SMARCA4: variants seen among roughly 807,000 people sequenced by gnomAD.
SMARCA4 encodes the protein SWI/SNF related BAF chromatin remodeling complex subunit ATPase 4.
Under a neutral mutation model 193.9 loss-of-function variants are expected in SMARCA4, and 31 were observed. The observed-to-expected ratio is 0.16, with a 90% CI of 0.12 to 0.22. The LOEUF is 0.22. Among genes scored for constraint, SMARCA4 ranks in the 10% least tolerant of loss-of-function variants. SMARCA4 has a pLI of 1.00. For synonymous variants in SMARCA4, 942 were observed against 933.1 expected (o/e 1.01, Z -0.17); for missense variants, 1,148 against 2,296.0 (o/e 0.50, Z 10.22).
chr19:11,060,400 T>C, intron 34 of SMARCA4: 4 of 641,420 alleles, frequency 6.2e-6, no homozygotes, highest in South Asian at 3.6e-5. Context: ...CGGAACCAGC[T>C]CTCAGTACCC....
At position 10,996,428 on chromosome 19, in the gene SMARCA4, C is replaced by T. The variant is rs1324971006; in HGVS notation, c.1761+48C>T. Reference sequence around the variant, plus strand: ...CCCGCCGCGGGTGGGATGGGAGCAGCCGTCTTCACGTGTGTGGCCTCAGCC... The same window carrying T: ...CCCGCCGCGGGTGGGATGGGAGCAGTCGTCTTCACGTGTGTGGCCTCAGCC... On this transcript the variant is annotated intron_variant, in intron 10 of 34. Coordinates refer to ENST00000344626, the MANE Select transcript of SMARCA4 (RefSeq NM_003072.5). 4 of 1,613,346 alleles carry T rather than the reference C, an allele frequency of 2.5e-6. No homozygotes were observed. In the Admixed American group the frequency reaches 6.7e-5, roughly 27 times the overall value.
At chr19:11,047,209 G>T (rs895301881) in intron 30 of SMARCA4, among the ~76,000 whole-genome samples, 1 of 152,100 alleles carries the variant, frequency 6.6e-6, no homozygotes, top group African/African-American at 2.4e-5. Flanking sequence ...ACAGTGCAAG[G>T]CTACAGATTA....
chr19:11,021,690 C>T (rs2146413072), intron 18 of SMARCA4, 35 bp from the exon 19 acceptor site: 1 of 1,584,520 alleles, frequency 6.3e-7, no homozygotes, highest in Non-Finnish European at 8.6e-7. Flanking sequence ...CCACCTGCTG[C>T]CCCCTGCCCT....
At chr19:11,000,729 A>G (rs1600113572) in intron 11 of SMARCA4, among the ~76,000 whole-genome samples, 1 of 151,840 alleles carries the variant, frequency 6.6e-6, no homozygotes, top group East Asian at 1.9e-4. Context: ...AAATACAAAC[A>G]TTAGCCAGGC....
chr19:10,988,203 C>T (rs1372014408), intron 6 of SMARCA4, among the ~76,000 whole-genome samples: 1 of 152,156 alleles, frequency 6.6e-6, no homozygotes, highest in African/African-American at 2.4e-5. Context: ...TCACTGCAAC[C>T]TGCATCTCCT....
chr19:11,014,844 G>A (rs1210975424), intron 16 of SMARCA4, among the ~76,000 whole-genome samples: 2 of 151,042 alleles, frequency 1.3e-5, no homozygotes, highest in South Asian at 2.1e-4. Context: ...GAGGAGTCTC[G>A]CACTGTTGAC....
intron 30 of SMARCA4, among the ~76,000 whole-genome samples, chr19:11,056,861 A>G (rs2076575197): frequency 6.6e-6 from 1 of 152,224 alleles, no homozygotes; most frequent in Non-Finnish European, 1.5e-5. Flanking sequence ...GACCCCAGCA[A>G]CAGAACCAGG....
At chr19:10,967,871 TTTTA>T (rs1179416640) in intron 1 of SMARCA4, among the ~76,000 whole-genome samples, 1 of 148,552 alleles carries the variant, frequency 6.7e-6, no homozygotes, top group Non-Finnish European at 1.5e-5. Flanking sequence ...TTTTTTTAAT[TTTTA>T]TTTATTTATT....
chr19:10,999,094 CAG>C (rs879436817), intron 11 of SMARCA4, among the ~76,000 whole-genome samples: 4 of 151,966 alleles, frequency 2.6e-5, no homozygotes, highest in African/African-American at 4.8e-5. Context: ...TTTGTAGAGA[CAG>C]GGTTTCACCA....
chr19:11,026,225 C>A (rs939267423), intron 22 of SMARCA4, 75 bp from the exon 23 acceptor site: 1 of 1,147,002 alleles, frequency 8.7e-7, no homozygotes, highest in Non-Finnish European at 1.3e-6. Flanking sequence ...TGAGCACGAG[C>A]GGTGTGTGCG....
intron 29 of SMARCA4, chr19:11,039,803 C>T (rs903460865): frequency 6.8e-6 from 2 of 293,324 alleles, no homozygotes; most frequent in African/African-American, 4.4e-5. Context: ...TAAAAATCGG[C>T]TGGGCGCGGT....
At chr19:11,044,165 G>A (rs992967217) in intron 30 of SMARCA4, among the ~76,000 whole-genome samples, 5 of 152,092 alleles carry the variant, frequency 3.3e-5, no homozygotes, top group Non-Finnish European at 4.4e-5. Context: ...GGGTATCCAC[G>A]TAGAGAGGAT....
At chr19:11,018,684 C>T (rs1459794003) in intron 16 of SMARCA4, among the ~76,000 whole-genome samples, 2 of 152,222 alleles carry the variant, frequency 1.3e-5, no homozygotes, top group East Asian at 1.9e-4. Flanking sequence ...TTTCTGTCCC[C>T]CATCACATCT....
chr19:11,059,935 C>G (rs750773035), intron 33 of SMARCA4, 50 bp downstream of exon 33: 1 of 1,613,416 alleles, frequency 6.2e-7, no homozygotes, highest in Non-Finnish European at 8.5e-7. Context: ...GGCCCGAGAG[C>G]CCCCAAGGCC....
At chr19:11,000,972 G>A (rs1287920545) in intron 11 of SMARCA4, among the ~76,000 whole-genome samples, 2 of 152,012 alleles carry the variant, frequency 1.3e-5, no homozygotes, top group East Asian at 3.9e-4. Context: ...ACCGGCACTT[G>A]CTGCTGCTTG....
At position 11,060,112 on chromosome 19, in the gene SMARCA4, CCGG is replaced by C. The variant is rs1311890122; in HGVS notation, c.4844_4846del (p.Arg1615del). 1.3e-6 allele frequency: 2 copies of C among 1,551,040 alleles called. No homozygotes were observed. Among genetic ancestry groups the C allele is most frequent in the Non-Finnish European group, 8.7e-7 (1 of 1,146,996 alleles). ...AGGCACAGGACCGGCTGAAGGGCGG[CCGG>C]CGGCGGCCGAGCCGAGGGTCCCGAG... On this transcript the variant is annotated inframe_deletion, in exon 34 of 35. Transcript: ENST00000344626.
chr19:11,003,076 C>G lies in SMARCA4; in HGVS notation c.1860C>G (p.Ile620Met), dbSNP rs141751028. The G allele has an allele frequency of 1.2e-6, 2 of 1,613,948 alleles. No homozygotes were observed. Among genetic ancestry groups the G allele is most frequent in the Non-Finnish European group, 8.5e-7 (1 of 1,179,980 alleles). Residue 620 changes from isoleucine (I) to methionine (M), a missense_variant, in exon 12 of 35, where the codon ATC becomes ATG. Around this residue, in one of 17 missense-constraint regions of SMARCA4, gnomAD observed 115 missense variants for 175.1 expected, o/e 0.66. Coordinates refer to ENST00000344626, the MANE Select transcript of SMARCA4 (RefSeq NM_003072.5). ...SQMSDLPVKV[I>M]HVESGKILTG... ...TGAGCGACCTCCCGGTGAAGGTGATCCACGTGGAGAGTGGGAAGATCCTCA... is the reference window on the plus strand; with the variant it reads ...TGAGCGACCTCCCGGTGAAGGTGATGCACGTGGAGAGTGGGAAGATCCTCA...
chr19:10,974,916 G>A lies in SMARCA4; in HGVS notation c.-31-9205G>A, dbSNP rs1415205397. Among the ~76,000 whole-genome samples, 8 of 149,994 alleles carry A rather than the reference G, an allele frequency of 5.3e-5. No homozygotes were observed. The Admixed American group carries it at 5.4e-4, about 10-fold the overall frequency. On this transcript the variant is annotated intron_variant, in intron 1 of 34. Coordinates refer to ENST00000344626, the MANE Select transcript of SMARCA4 (RefSeq NM_003072.5). Reference sequence around the variant, plus strand: ...AGATGGGGTTTCACCACGTTTGCCAGGCTGGTCTCGATCTCAGGTGATCCG... The same window carrying A: ...AGATGGGGTTTCACCACGTTTGCCAAGCTGGTCTCGATCTCAGGTGATCCG...
rs1458830964 is a variant in SMARCA4 at position 11,058,265 on chromosome 19, C to T, written c.4435C>T (p.Arg1479Cys). 1.2e-6 allele frequency: 2 copies of T among 1,612,034 alleles called. No individual in the cohort carries two copies. Among genetic ancestry groups the T allele is most frequent in the Non-Finnish European group, 8.5e-7 (1 of 1,179,432 alleles). The change falls in exon 31 of 35, where the codon CGT becomes TGT. Residue 1479 changes from arginine (R) to cysteine (C), a missense_variant. Transcript: ENST00000344626. This position sits in a 1 kb window ranked among gnomAD's most constrained non-coding sequence, Gnocchi z 5.8. ...GGTTCTGCCTTGCAGCAGCAGTGGA[C>T]GTCAGCTCAGCGAGGTCTTCATCCA... ...VIKYKDSSSG[R>C]QLSEVFIQLP...
Sources: allele counts gnomAD v4.1 joint callset (sites outside exome capture counted in the v4.1 genomes callset), GRCh38; gene constraint gnomAD v4.1.1; regional missense constraint gnomAD v4.1.1; non-coding constraint Gnocchi (gnomAD v3.1); transcripts MANE v1.5; gene names NCBI Gene and HGNC (gene_info 2026-07-23, HGNC 2026-07-21).